The following SMC2 variants were observed in gnomAD, a reference collection of about 807,000 sequenced individuals.
SMC2 encodes structural maintenance of chromosomes 2.
In SMC2, 41 loss-of-function variants were observed where a neutral mutation model predicts 142.6. The observed-to-expected ratio is 0.29, with a 90% CI of 0.22 to 0.37. SMC2 has a LOEUF of 0.37. SMC2 is among the 10% of genes least tolerant of loss of function. The pLI is 1.00. For synonymous variants in SMC2, 463 were observed against 457.5 expected (o/e 1.01, Z -0.15); for missense variants, 1,265 against 1,373.7 (o/e 0.92, Z 1.25).
chr9:104,120,592 T>C (rs1413141996), intron 16 of SMC2, among the ~76,000 whole-genome samples: 2 of 152,186 alleles, frequency 1.3e-5, no homozygotes, highest in Admixed American at 1.3e-4. Flanking sequence ...CCTACATATA[T>C]CAAGGATCTG....
intron 12 of SMC2, 142 bp downstream of exon 12, chr9:104,114,223 T>A (rs1832829638): frequency 1.9e-6 from 1 of 515,982 alleles, no homozygotes. Flanking sequence ...TTGGTATTTT[T>A]CCTTTAAACA....
At chr9:104,120,772 C>A (rs1025690136) in intron 16 of SMC2, among the ~76,000 whole-genome samples, 1 of 152,066 alleles carries the variant, frequency 6.6e-6, no homozygotes, top group South Asian at 2.1e-4. Flanking sequence ...TTTATTTTTT[C>A]AATATTGGGA....
At chr9:104,098,814 A>G (rs1253450069) in intron 4 of SMC2, among the ~76,000 whole-genome samples, 1 of 149,518 alleles carries the variant, frequency 6.7e-6, no homozygotes, top group Non-Finnish European at 1.5e-5. Context: ...TTTTGTCACT[A>G]AAAGAACAAT....
chr9:104,120,595 A>G (rs569599119), intron 16 of SMC2, among the ~76,000 whole-genome samples: 1 of 152,306 alleles, frequency 6.6e-6, no homozygotes, highest in Admixed American at 6.5e-5. Flanking sequence ...ACATATATCA[A>G]GGATCTGCTA....
At chr9:104,097,507 T>TG (rs1830582283) in intron 3 of SMC2, among the ~76,000 whole-genome samples, 1 of 90,184 alleles carries the variant, frequency 1.1e-5, no homozygotes, top group Non-Finnish European at 2.4e-5. Flanking sequence ...AGCCTCTGGT[T>TG]GAAAAAAAAA....
In SMC2 at chr9:104,134,511, G is replaced by C; in HGVS notation, c.3205G>C (p.Glu1069Gln). 6.2e-7 allele frequency: 1 copy of C among 1,612,620 alleles called. No homozygotes were observed. Among genetic ancestry groups the C allele is most frequent in the Non-Finnish European group, 8.5e-7 (1 of 1,179,046 alleles). ...GGGTCAAACTGTTTTGGATGGTCTG[G>C]AGTTCAAGGTTGCCTTGGGAAATAC... ...PEGQTVLDGL[E>Q]FKVALGNTWK... Residue 1069 changes from glutamate (E) to glutamine (Q), a missense_variant, in exon 23 of 25, where the codon GAG becomes CAG. By Grantham distance (29) the Glu-to-Gln change is conservative (BLOSUM62 2). Coordinates refer to ENST00000374793, the MANE Select transcript of SMC2 (RefSeq NM_006444.3).
At chr9:104,124,813 G>A in intron 17 of SMC2, 99 bp from the exon 18 acceptor site, 1 of 837,118 alleles carries the variant, frequency 1.2e-6, no homozygotes, top group South Asian at 1.8e-5. Context: ...TTCTTAAATT[G>A]TACCCTGTAA....
rs137956369 is a variant in SMC2, at chr9:104,098,071, C to G, written c.319-375C>G. On this transcript the variant is annotated intron_variant, in intron 3 of 24. Coordinates refer to ENST00000374793, the MANE Select transcript of SMC2 (RefSeq NM_006444.3). ...ATTGATACTAAGCTACTTTGTCTGA[C>G]ATCTATTCCTGTTGAAAAGTAGAGA... Among the ~76,000 whole-genome samples, 95 of 152,290 alleles carry G rather than the reference C, an allele frequency of 6.2e-4. 1 individual carries two copies. The East Asian group carries it at 0.018, about 28-fold the overall frequency.
intron 9 of SMC2, among the ~76,000 whole-genome samples, chr9:104,109,210 A>G (rs1832148825): frequency 6.6e-6 from 1 of 152,154 alleles, no homozygotes. Context: ...AGAATTTAGC[A>G]ATTTCCCTCA....
intron 20 of SMC2, 91 bp downstream of exon 20, chr9:104,127,571 A>G: frequency 4.4e-6 from 4 of 907,886 alleles, no homozygotes; most frequent in East Asian, 3.0e-5. Flanking sequence ...AGAGAACTCT[A>G]TAAATATAAA....
intron 18 of SMC2, among the ~76,000 whole-genome samples, chr9:104,125,606 T>C (rs1193908621): frequency 6.6e-6 from 1 of 151,888 alleles, no homozygotes; most frequent in Non-Finnish European, 1.5e-5. Context: ...TCTTCAGGAG[T>C]GGATTATTTG....
chr9:104,120,226 CTTT>C, intron 16 of SMC2, 64 bp downstream of exon 16: 1 of 1,404,880 alleles, frequency 7.1e-7, no homozygotes, highest in South Asian at 1.4e-5. Context: ...AGAAAATTTA[CTTT>C]TATTTCAAGA....
intron 9 of SMC2, among the ~76,000 whole-genome samples, chr9:104,104,512 CATTGAG>C (rs1331471624): frequency 6.6e-6 from 1 of 152,112 alleles, no homozygotes; most frequent in African/African-American, 2.4e-5. Context: ...TGGGCTGAAG[CATTGAG>C]ATTATGTTTT....
intron 12 of SMC2, among the ~76,000 whole-genome samples, chr9:104,114,404 T>G (rs1832844393): frequency 6.6e-6 from 1 of 152,180 alleles, no homozygotes; most frequent in Admixed American, 6.5e-5. Flanking sequence ...TGTTTTGCTA[T>G]GTGGGTTTTT....
intron 7 of SMC2, among the ~76,000 whole-genome samples, chr9:104,100,750 A>G (rs147413524): frequency 2.0e-5 from 3 of 152,314 alleles, no homozygotes; most frequent in East Asian, 3.9e-4. Context: ...TCTTAAAGAT[A>G]AGGCACTCTT....
Position 104,094,490 on chromosome 9 carries a change from C to T in SMC2, c.-62+13C>T. ...GCCTGAGGCAGCGGTGAGGCGTGTG[C>T]GTGAGCACGGCCGGTTGGGCCGGGC... On this transcript the variant is annotated intron_variant, in intron 1 of 24. Coordinates refer to ENST00000374793, the MANE Select transcript of SMC2 (RefSeq NM_006444.3). The T allele has an allele frequency of 4.7e-6, 1 of 211,442 alleles. No individual in the cohort carries two copies. The allele number at this position is 211,442 out of a possible 1,614,324, so 13.1% of individuals were successfully genotyped here. A position where few individuals can be genotyped will look rare whatever the true frequency, so the allele number is the denominator to read the frequency against.
chr9:104,098,431 T>G lies in SMC2; in HGVS notation c.319-15T>G. 1.3e-6 allele frequency: 2 copies of G among 1,562,340 alleles called. No individual in the cohort carries two copies. Among genetic ancestry groups the G allele is most frequent in the South Asian group, 1.2e-5 (1 of 82,804 alleles). On this transcript the variant is annotated splice_polypyrimidine_tract_variant and intron_variant, in intron 3 of 24. Coordinates refer to ENST00000374793, the MANE Select transcript of SMC2 (RefSeq NM_006444.3). ...GCATGTACATTAATATTTAAAAAAT[T>G]GCTTTCTTTTATAGGTGGTTATTGG...
At chr9:104,127,724 A>C (rs2131511645) in intron 20 of SMC2, among the ~76,000 whole-genome samples, 1 of 152,308 alleles carries the variant, frequency 6.6e-6, no homozygotes, top group South Asian at 2.1e-4. Context: ...TGTATTTACC[A>C]AATGTTTAGT....
intron 9 of SMC2, 72 bp from the exon 10 acceptor site, chr9:104,111,509 A>C (rs1832442414): frequency 1.2e-6 from 1 of 824,884 alleles, no homozygotes; most frequent in Non-Finnish European, 2.0e-6. Context: ...TTATTACATA[A>C]GGGTATGCGT....
Sources: allele counts gnomAD v4.1 joint callset (sites outside exome capture counted in the v4.1 genomes callset), GRCh38; gene constraint gnomAD v4.1.1; transcripts MANE v1.5; gene names NCBI Gene and HGNC (gene_info 2026-07-23, HGNC 2026-07-21).